ZNF365: variants seen among roughly 807,000 people sequenced by gnomAD.
The protein encoded by ZNF365 is zinc finger protein 365.
Under a neutral mutation model 35.0 loss-of-function variants are expected in ZNF365, and 22 were observed. That is an observed-to-expected ratio of 0.63 (90% CI 0.45 to 0.90). The LOEUF (loss-of-function observed/expected upper bound fraction) is 0.90, where lower values mean the gene tolerates loss of function less well. Ranked by LOEUF, ZNF365 falls within the 40% of genes least tolerant of loss-of-function variation. The probability of loss-of-function intolerance (pLI) is 0.00; values close to 1 mark genes in which losing one functional copy is unlikely to be tolerated. For missense variants in ZNF365, 448 were observed against 500.3 expected, an observed-to-expected ratio of 0.90 and a Z score of 1.00; for synonymous variants, 188 against 196.2, an observed-to-expected ratio of 0.96 and a Z score of 0.35.
At chr10:62,386,118 C>A (rs771785791) in intron 2 of ZNF365, among the ~76,000 whole-genome samples, 2 of 152,120 alleles carry the variant, frequency 1.3e-5, no homozygotes, top group Non-Finnish European at 2.9e-5. Context: ...CCCAAAGGAC[C>A]TAAACCATAA....
chr10:62,421,382 C>G (rs1324435127), intron 3 of ZNF365, among the ~76,000 whole-genome samples: 1 of 152,126 alleles, frequency 6.6e-6, no homozygotes, highest in African/African-American at 2.4e-5. Context: ...AATACCCAAT[C>G]TTTTTAGGGA....
At chr10:62,398,463 C>G (rs904349875) in intron 3 of ZNF365, among the ~76,000 whole-genome samples, 2 of 152,108 alleles carry the variant, frequency 1.3e-5, no homozygotes, top group African/African-American at 2.4e-5. Context: ...CTGGGGGGCT[C>G]TTTTGCGTGT....
chr10:62,434,077 TA>T (rs35772064), intron 3 of ZNF365, among the ~76,000 whole-genome samples: 4 of 152,136 alleles, frequency 2.6e-5, no homozygotes, highest in African/African-American at 9.7e-5. Flanking sequence ...GGGCACGTGT[TA>T]AAAAAATCTG....
In ZNF365 at chr10:62,428,041, G is replaced by C. The variant is rs556615014; in HGVS notation, c.925-31700G>C. On this transcript the variant is annotated intron_variant, in intron 3 of 4. Transcript: ENST00000395255. ...GTAGCCTCAACCGCAGGTTTAGTTA[G>C]AGAACCAGTTTTTGTATCATTTTTT... is the stretch of plus-strand genomic sequence containing the variant. Among the ~76,000 whole-genome samples the C allele has an allele frequency of 7.2e-5, 11 of 152,288 alleles. No homozygotes were observed. In the South Asian group the frequency reaches 2.3e-3, roughly 32 times the overall value.
At chr10:62,480,249 G>A in exon 5 of ZNF365, 3 of 1,016,852 alleles carry the variant, frequency 3.0e-6, no homozygotes, top group Non-Finnish European at 3.5e-6. Context: ...GACATGGCAG[G>A]TACTCAGTTG....
chr10:62,421,087 G>A (rs1230737553), intron 3 of ZNF365, among the ~76,000 whole-genome samples: 3 of 151,984 alleles, frequency 2.0e-5, no homozygotes, highest in Non-Finnish European at 2.9e-5. Flanking sequence ...AGAGACATTG[G>A]CAACCGATAG....
At chr10:62,410,325 G>A (rs1839966784) in intron 3 of ZNF365, among the ~76,000 whole-genome samples, 2 of 152,102 alleles carry the variant, frequency 1.3e-5, no homozygotes, top group African/African-American at 4.8e-5. Context: ...AGACTTTGAG[G>A]AATTCCTGCA....
At chr10:62,435,835 A>G (rs909102793) in intron 3 of ZNF365, among the ~76,000 whole-genome samples, 2 of 152,220 alleles carry the variant, frequency 1.3e-5, no homozygotes, top group Admixed American at 1.3e-4. Context: ...AAAGTGGATA[A>G]ACAGCCTACT....
chr10:62,436,745 A>G (rs1463879044), intron 3 of ZNF365, among the ~76,000 whole-genome samples: 2 of 152,198 alleles, frequency 1.3e-5, no homozygotes, highest in Non-Finnish European at 2.9e-5. Flanking sequence ...AGGACAACCA[A>G]TTGGGATCTA....
At chr10:62,403,377 C>T (rs768098238), downstream of ZNF365, among the ~76,000 whole-genome samples, 10 of 152,212 alleles carry the variant, frequency 6.6e-5, no homozygotes, top group Middle Eastern at 3.4e-3. Context: ...GAACTGGACC[C>T]GCCGGGTGCG....
Position 62,376,500 on chromosome 10 carries a change from A to T in ZNF365, c.307A>T (p.Ser103Cys), listed in dbSNP as rs753431261. Residue 103 changes from serine (S) to cysteine (C), a missense_variant, in exon 2 of 5, where the codon AGC becomes TGC. Ser to Cys is a moderately radical substitution (Grantham distance 112, BLOSUM62 -1). Coordinates refer to ENST00000395254, the MANE Select transcript of ZNF365 (RefSeq NM_014951.3). Reference sequence around the variant, plus strand: ...GAAACCGAGCTATGTTAACTTGTACAGCATTTCACATGAACATTCCAAGGA... The same window carrying T: ...GAAACCGAGCTATGTTAACTTGTACTGCATTTCACATGAACATTCCAAGGA... Reference protein sequence around the residue: ...KQKPSYVNLYSISHEHSKDRK... With the variant: ...KQKPSYVNLYCISHEHSKDRK... 5.6e-6 allele frequency: 9 copies of T among 1,614,056 alleles called. No homozygotes were observed. In the African/African-American group the frequency reaches 1.1e-4, roughly 19 times the overall value.
Position 62,388,401 on chromosome 10 carries a change from T to C in ZNF365, c.749T>C (p.Val250Ala), listed in dbSNP as rs775055367. ...EEELLRKEEE[V>A]VTFNHFLEAA... ...CTGACATTTTTGCCTTGCAGAGAAG[T>C]TGTCACATTCAACCATTTCCTGGAA... Residue 250 changes from valine (V) to alanine (A), a missense_variant, in exon 3 of 5, where the codon GTT becomes GCT. Around this residue, in one of 3 missense-constraint regions of ZNF365, gnomAD observed 362 missense variants for 375.7 expected, o/e 0.96. Coordinates refer to ENST00000395254, the MANE Select transcript of ZNF365 (RefSeq NM_014951.3). 6.8e-6 allele frequency: 11 copies of C among 1,614,096 alleles called. No homozygotes were observed. The Admixed American group carries it at 1.8e-4, about 27-fold the overall frequency.
chr10:62,461,212 G>C lies in ZNF365; in HGVS notation c.981+1415G>C, dbSNP rs76576327. ...GTACACATCTCCACTGTGGGAGATG[G>C]GATTCTTTAAAGGGCAGTTTAATCA... On this transcript the variant is annotated intron_variant, in intron 4 of 4. Transcript: ENST00000395255. 4.7e-3 allele frequency among the ~76,000 whole-genome samples: 712 copies of C among 152,268 alleles called. 1 individual carries two copies. The highest frequency in any genetic ancestry group is 7.5e-3 in the Admixed American group (115 of 15,288).
intron 3 of ZNF365, among the ~76,000 whole-genome samples, chr10:62,432,571 T>C (rs1405278050): frequency 1.3e-5 from 2 of 152,194 alleles, no homozygotes; most frequent in Non-Finnish European, 2.9e-5. Context: ...GGGTTCTTTT[T>C]CTAAGCCCCT....
At chr10:62,384,383 G>T (rs150671078) in intron 2 of ZNF365, among the ~76,000 whole-genome samples, 2 of 152,110 alleles carry the variant, frequency 1.3e-5, no homozygotes, top group Non-Finnish European at 2.9e-5. Context: ...TTGTAATTAC[G>T]TGTTTATTTC....
intron 3 of ZNF365, among the ~76,000 whole-genome samples, chr10:62,389,534 G>C (rs59205672): frequency 0.062 from 9,442 of 152,036 alleles, 702 homozygotes; most frequent in African/African-American, 0.18. Context: ...AGATTAGCAA[G>C]GTTGCTATTG....
At chr10:62,441,824 G>A (rs1344553505) in intron 3 of ZNF365, among the ~76,000 whole-genome samples, 2 of 152,174 alleles carry the variant, frequency 1.3e-5, no homozygotes, top group Non-Finnish European at 2.9e-5. Flanking sequence ...TATTTCACTA[G>A]GAGGTGGCAG....
intron 3 of ZNF365, among the ~76,000 whole-genome samples, chr10:62,439,829 A>G (rs1170647834): frequency 6.6e-6 from 1 of 152,208 alleles, no homozygotes; most frequent in Non-Finnish European, 1.5e-5. Context: ...ACTGAGAGCC[A>G]AACATATCCT....
chr10:62,424,707 A>G (rs1042895411), intron 3 of ZNF365, among the ~76,000 whole-genome samples: 1 of 152,242 alleles, frequency 6.6e-6, no homozygotes, highest in Non-Finnish European at 1.5e-5. Flanking sequence ...CGCTCCAAAT[A>G]TAGAATACTG....
Sources: gnomAD v4.1 joint callset for allele counts (sites outside exome capture counted in the v4.1 genomes callset) on GRCh38, gnomAD v4.1.1 for gene constraint, gnomAD v4.1.1 regional missense constraint, MANE v1.5 for transcripts, NCBI Gene and HGNC (gene_info 2026-07-23, HGNC 2026-07-21) for gene names.